Variants in TBCE observed in about 807,000 individuals in gnomAD.
The protein encoded by TBCE is tubulin folding cofactor E.
TBCE carries 53 observed loss-of-function variants against 77.0 expected under a neutral mutation model. That is an observed-to-expected ratio of 0.69 (90% CI 0.55 to 0.87). TBCE has a LOEUF of 0.87. Ranked by LOEUF, TBCE falls within the 40% of genes least tolerant of loss-of-function variation. The probability of loss-of-function intolerance (pLI) is 0.00; values close to 1 mark genes in which losing one functional copy is unlikely to be tolerated. For synonymous variants in TBCE, 235 were observed against 241.3 expected, an observed-to-expected ratio of 0.97 and a Z score of 0.24; for missense variants, 624 against 622.4, an observed-to-expected ratio of 1.00 and a Z score of -0.03.
At chr1:235,400,018 A>AT (rs981783755) in intron 2 of TBCE, among the ~76,000 whole-genome samples, 1 of 152,120 alleles carries the variant, frequency 6.6e-6, no homozygotes, top group African/African-American at 2.4e-5. Flanking sequence ...GTAGTTATTC[A>AT]TTTTTTATTT....
At chr1:235,414,275 T>A (rs1306736275) in intron 3 of TBCE, among the ~76,000 whole-genome samples, 158 bp from the exon 4 acceptor site, 2 of 152,232 alleles carry the variant, frequency 1.3e-5, no homozygotes, top group African/African-American at 4.8e-5. Flanking sequence ...TTATGGTCAA[T>A]CATACTGATT....
chr1:235,397,149 A>G (rs1319554401), intron 2 of TBCE, among the ~76,000 whole-genome samples: 1 of 141,140 alleles, frequency 7.1e-6, no homozygotes, highest in Non-Finnish European at 1.5e-5. Context: ...TAATTTTTGT[A>G]TTTTTAGTAG....
chr1:235,435,968 T>G (rs1681420427), intron 9 of TBCE, 128 bp downstream of exon 9: 1 of 884,852 alleles, frequency 1.1e-6, no homozygotes, highest in Middle Eastern at 2.2e-4. Context: ...ATTGAGTAAT[T>G]CCCTTTGGGA....
Position 235,419,509 on chromosome 1 carries a change from CTG to C in TBCE, c.411_412del (p.Ala138SerfsTer6). The C allele has an allele frequency of 6.2e-7, 1 of 1,614,078 alleles. No homozygotes were observed. Among genetic ancestry groups the C allele is most frequent in the Admixed American group, 1.7e-5 (1 of 60,012 alleles). Reference sequence around the variant, plus strand: ...AGTTGCAAGAAGTTTCTCTGAGGAACTGTGCAGTAAGTTGTGCTGGTGAAAAA... The same window carrying C: ...AGTTGCAAGAAGTTTCTCTGAGGAACTGCAGTAAGTTGTGCTGGTGAAAAA... The part of the protein sequence containing the change: ...SKLQEVSLRN[C>X]AVSCAGEKGG... On this transcript the variant is annotated frameshift_variant, in exon 5 of 17. Transcript: ENST00000642610. LOFTEE classifies it high-confidence loss of function.
intron 15 of TBCE, among the ~76,000 whole-genome samples, chr1:235,447,701 A>G (rs920133447): frequency 2.0e-5 from 3 of 152,180 alleles, no homozygotes; most frequent in African/African-American, 7.2e-5. Context: ...TTAAAAAGAA[A>G]ACGTTAATGA....
At chr1:235,369,988 C>T (rs1188966813) in intron 1 of TBCE, among the ~76,000 whole-genome samples, 2 of 152,148 alleles carry the variant, frequency 1.3e-5, no homozygotes, top group African/African-American at 2.4e-5. Context: ...AGGATATTTG[C>T]ACTTGCTATT....
At chr1:235,414,365 G>C in intron 3 of TBCE, 68 bp from the exon 4 acceptor site, 1 of 1,548,368 alleles carries the variant, frequency 6.5e-7, no homozygotes, top group Non-Finnish European at 8.8e-7. Context: ...AAGACCTTCA[G>C]AAAATTGTAT....
chr1:235,441,638 G>T (rs1321079923), intron 13 of TBCE, 176 bp from the exon 14 acceptor site: 2 of 615,556 alleles, frequency 3.2e-6, no homozygotes, highest in Non-Finnish European at 5.8e-6. Context: ...TTCTGCCCTT[G>T]GAAGTGGTCG....
At chr1:235,430,082 A>G (rs543115934) in intron 6 of TBCE, 1 of 153,486 alleles carries the variant, frequency 6.5e-6, no homozygotes, top group South Asian at 2.1e-4. Flanking sequence ...TAAAGCCGGT[A>G]GACAGGCCTG....
intron 1 of TBCE, among the ~76,000 whole-genome samples, chr1:235,371,107 A>C (rs115055584): frequency 0.022 from 2,615 of 120,296 alleles, 93 homozygotes; most frequent in African/African-American, 0.078. Context: ...CCCAGGCTAG[A>C]GTGCAATTGC....
Position 235,377,872 on chromosome 1 carries a change from C to T in TBCE, c.-31-2147C>T, listed in dbSNP as rs368982052. Among the ~76,000 whole-genome samples the T allele has an allele frequency of 4.0e-5, 6 of 151,854 alleles. No homozygotes were observed. In the East Asian group the frequency reaches 1.2e-3, roughly 29 times the overall value. On this transcript the variant is annotated intron_variant, in intron 1 of 16. Coordinates refer to ENST00000642610, the MANE Select transcript of TBCE (RefSeq NM_003193.5). ...TTCACCATGGTGGTCAGGCTGGTCT[C>T]GAACTCCTGACCTTGTGATCCACCC...
chr1:235,375,421 G>A (rs1016836201), intron 1 of TBCE, among the ~76,000 whole-genome samples: 1 of 152,048 alleles, frequency 6.6e-6, no homozygotes, highest in African/African-American at 2.4e-5. Context: ...CCCAGTGCAG[G>A]CCATTACAGA....
intron 3 of TBCE, 83 bp downstream of exon 3, chr1:235,401,670 A>G: frequency 1.6e-6 from 2 of 1,216,524 alleles, no homozygotes; most frequent in Admixed American, 1.8e-5. Context: ...AGAGGAAGAA[A>G]TGTTTGGCTC....
chr1:235,435,643 TCCCCAGCC>T, intron 8 of TBCE, 94 bp from the exon 9 acceptor site: 2 of 1,118,884 alleles, frequency 1.8e-6, no homozygotes, highest in East Asian at 4.7e-5. Flanking sequence ...TTGCTTCTTA[TCCCCAGCC>T]CTCCATCGCA....
intron 15 of TBCE, among the ~76,000 whole-genome samples, chr1:235,444,962 C>T (rs1343370772): frequency 6.6e-6 from 1 of 152,250 alleles, no homozygotes; most frequent in Non-Finnish European, 1.5e-5. Context: ...TGCCGCCTTA[C>T]CCTTCTCTAC....
intron 2 of TBCE, among the ~76,000 whole-genome samples, chr1:235,389,873 C>T (rs1678271630): frequency 6.6e-6 from 1 of 152,022 alleles, no homozygotes; most frequent in Non-Finnish European, 1.5e-5. Context: ...CCTGTAATCC[C>T]AGCACTTCAG....
chr1:235,429,199 G>A (rs1472372608), intron 6 of TBCE: 3 of 151,534 alleles, frequency 2.0e-5, no homozygotes, highest in Non-Finnish European at 4.4e-5. Flanking sequence ...ATGTTGGCCA[G>A]GCTGTTCTTG....
intron 2 of TBCE, among the ~76,000 whole-genome samples, chr1:235,381,633 C>T (rs1444928103): frequency 2.2e-5 from 3 of 138,780 alleles, no homozygotes; most frequent in Admixed American, 7.8e-5. Context: ...TGCAGTGAGC[C>T]GAGACCACGC....
At chr1:235,373,887 G>A (rs1677133747) in intron 1 of TBCE, among the ~76,000 whole-genome samples, 1 of 145,844 alleles carries the variant, frequency 6.9e-6, no homozygotes, top group South Asian at 2.1e-4. Context: ...CTGACCTCGT[G>A]ATCCTCCCGC....
Sources: allele counts gnomAD v4.1 joint callset (sites outside exome capture counted in the v4.1 genomes callset), GRCh38; gene constraint gnomAD v4.1.1; transcripts MANE v1.5; gene names NCBI Gene and HGNC (gene_info 2026-07-23, HGNC 2026-07-21).